The following TBC1D14 variants were observed in gnomAD, a reference collection of about 807,000 sequenced individuals.
The protein encoded by TBC1D14 is TBC1 domain family member 14, also known as TBC1 domain family, member 14.
A neutral mutation model predicts 79.0 loss-of-function variants in TBC1D14; 26 were observed. That is an observed-to-expected ratio of 0.33 (90% CI 0.24 to 0.46). TBC1D14 has a LOEUF of 0.46. Ranked by LOEUF, TBC1D14 falls within the 20% of genes least tolerant of loss-of-function variation. The pLI is 1.00. For missense variants in TBC1D14, 769 were observed against 887.6 expected (o/e 0.87, Z 1.70); for synonymous variants, 394 against 349.9 (o/e 1.13, Z -1.40).
intron 3 of TBC1D14, among the ~76,000 whole-genome samples, chr4:6,974,289 C>T (rs1227958504): frequency 6.6e-6 from 1 of 152,116 alleles, no homozygotes; most frequent in Non-Finnish European, 1.5e-5. Context: ...TGTGAACCCC[C>T]CGATGCTTTA....
At chr4:6,997,611 G>A (rs969723739) in intron 5 of TBC1D14, among the ~76,000 whole-genome samples, 2 of 152,114 alleles carry the variant, frequency 1.3e-5, no homozygotes, top group African/African-American at 4.8e-5. Context: ...GGGTGACAGA[G>A]CGAGACTCCA....
At chr4:6,924,428 A>G (rs1724119588) in intron 2 of TBC1D14, among the ~76,000 whole-genome samples, 1 of 152,160 alleles carries the variant, frequency 6.6e-6, no homozygotes, top group South Asian at 2.1e-4. Flanking sequence ...CTGTGCACTC[A>G]TAACTTAACG....
At chr4:6,915,391 G>A (rs748582069) in intron 1 of TBC1D14, among the ~76,000 whole-genome samples, 3 of 152,184 alleles carry the variant, frequency 2.0e-5, no homozygotes, top group African/African-American at 7.2e-5. Context: ...GCCCAGTTTT[G>A]TTATTCCCAT....
intron 1 of TBC1D14, among the ~76,000 whole-genome samples, chr4:6,922,820 G>A (rs1723971905): frequency 1.3e-5 from 2 of 152,098 alleles, no homozygotes; most frequent in South Asian, 4.2e-4. Flanking sequence ...TGACTGGTAG[G>A]GAGCGTGATG....
chr4:7,010,969 G>A (rs553655408), intron 11 of TBC1D14, among the ~76,000 whole-genome samples, 188 bp downstream of exon 11: 4 of 152,302 alleles, frequency 2.6e-5, no homozygotes, highest in Admixed American at 2.0e-4. Flanking sequence ...AAAAAGACAC[G>A]GTTAGTAGCC....
chr4:7,009,622 C>T (rs1285703344), intron 9 of TBC1D14, among the ~76,000 whole-genome samples: 2 of 152,152 alleles, frequency 1.3e-5, no homozygotes, highest in Non-Finnish European at 2.9e-5. Flanking sequence ...GATATTTGTC[C>T]AGGGTGGTGC....
Position 7,014,513 on chromosome 4 carries a change from T to C in TBC1D14, c.1713T>C (p.His571=). The part of the protein sequence containing the change: ...FEENLPKLFA[H]FKKNNLTPDI... ...AAAATTTGCCGAAATTATTTGCGCA[T>C]TTCAAGAAGAACAACCTAACTCCAG... is the stretch of plus-strand genomic sequence containing the variant. The change falls in exon 12 of 14, where the codon CAT becomes CAC. Residue 571 remains histidine, a synonymous_variant. Coordinates refer to ENST00000409757, the MANE Select transcript of TBC1D14 (RefSeq NM_020773.3). 6.2e-7 allele frequency: 1 copy of C among 1,614,082 alleles called. No individual in the cohort carries two copies. Among genetic ancestry groups the C allele is most frequent in the Non-Finnish European group, 8.5e-7 (1 of 1,179,962 alleles).
intron 3 of TBC1D14, among the ~76,000 whole-genome samples, chr4:6,990,767 T>C (rs1244924021): frequency 3.3e-5 from 5 of 152,164 alleles, no homozygotes; most frequent in Admixed American, 3.3e-4. Context: ...TGCTACTGTT[T>C]TATAGCTGAG....
chr4:6,943,390 A>T (rs1317542692), intron 2 of TBC1D14, among the ~76,000 whole-genome samples: 1 of 152,028 alleles, frequency 6.6e-6, no homozygotes, highest in African/African-American at 2.4e-5. Context: ...TTAGTTGAAT[A>T]CCCCTCTCAT....
intron 9 of TBC1D14, chr4:7,007,591 C>G: frequency 7.8e-7 from 1 of 1,289,386 alleles, no homozygotes; most frequent in Non-Finnish European, 1.0e-6. Context: ...GAGAGGGAAT[C>G]TACAAAGCTC....
rs139602634 is a variant in TBC1D14, at chr4:6,928,850, T to TG, written c.722+4743dup. 1.8e-3 allele frequency among the ~76,000 whole-genome samples: 272 copies of TG among 152,210 alleles called. 5 individuals are homozygous for TG. In the East Asian group the frequency reaches 0.049, roughly 28 times the overall value. On this transcript the variant is annotated intron_variant, in intron 2 of 13. Transcript: ENST00000409757. ...GCTTCTGAGGGTTGTTGGGATTAAA[T>TG]GGGGAGGAAATGTACATACATGGGA... is the stretch of plus-strand genomic sequence containing the variant.
At chr4:6,910,042 C>T (rs986127320) in intron 1 of TBC1D14, 91 bp downstream of exon 1, 1 of 147,810 alleles carries the variant, frequency 6.8e-6, no homozygotes, top group Middle Eastern at 3.4e-3. Flanking sequence ...CCGGCCGAGG[C>T]GGGGAGCGGC....
At chr4:7,017,882 G>C (rs1253139443) in intron 12 of TBC1D14, among the ~76,000 whole-genome samples, 4 of 152,184 alleles carry the variant, frequency 2.6e-5, no homozygotes, top group African/African-American at 7.2e-5. Context: ...AGTGATTCAG[G>C]CTCCTTGTTG....
intron 1 of TBC1D14, among the ~76,000 whole-genome samples, chr4:6,918,414 T>G (rs975908690): frequency 3.9e-5 from 6 of 152,224 alleles, no homozygotes; most frequent in African/African-American, 1.4e-4. Context: ...TACATTCGTG[T>G]TTTGCTGTAC....
intron 7 of TBC1D14, among the ~76,000 whole-genome samples, chr4:7,001,897 T>G (rs897623160): frequency 3.9e-5 from 6 of 152,154 alleles, no homozygotes; most frequent in Non-Finnish European, 5.9e-5. Context: ...CTGGCAGCCA[T>G]TCTTTTCACT....
chr4:6,916,273 A>G (rs1276833194), intron 1 of TBC1D14, among the ~76,000 whole-genome samples: 1 of 152,156 alleles, frequency 6.6e-6, no homozygotes, highest in Non-Finnish European at 1.5e-5. Flanking sequence ...TTGAAGAGGC[A>G]GCTGTCCTGT....
chr4:6,954,957 G>C (rs1057071994), intron 2 of TBC1D14, among the ~76,000 whole-genome samples: 2 of 152,264 alleles, frequency 1.3e-5, no homozygotes, highest in African/African-American at 4.8e-5. Flanking sequence ...TCTGAAAGAA[G>C]AGTGGCTCCA....
chr4:6,910,283 C>T (rs1037089498), intron 1 of TBC1D14: 1 of 152,298 alleles, frequency 6.6e-6, no homozygotes, highest in Non-Finnish European at 1.5e-5. Flanking sequence ...GGCTCCCGGC[C>T]TGAGAAGAGG....
At chr4:6,980,068 T>G (rs914373955) in intron 3 of TBC1D14, among the ~76,000 whole-genome samples, 1 of 152,210 alleles carries the variant, frequency 6.6e-6, no homozygotes, top group Non-Finnish European at 1.5e-5. Flanking sequence ...TCACAATTTA[T>G]AGAACACAGC....
Sources: gnomAD v4.1 joint callset for allele counts (sites outside exome capture counted in the v4.1 genomes callset) on GRCh38, gnomAD v4.1.1 for gene constraint, MANE v1.5 for transcripts, NCBI Gene and HGNC (gene_info 2026-07-23, HGNC 2026-07-21) for gene names.